Variants in PACRG observed in about 807,000 individuals in gnomAD.
PACRG encodes the protein parkin coregulated gene protein.
A neutral mutation model predicts 29.7 loss-of-function variants in PACRG; 29 were observed. The ratio of observed to expected loss-of-function variants is 0.98; its 90% CI spans 0.73 to 1.33. The LOEUF is 1.33. Ranked by LOEUF, PACRG falls within the 40% of genes most tolerant of loss-of-function variation. The pLI is 0.00. For synonymous variants in PACRG, 116 were observed against 118.7 expected, an observed-to-expected ratio of 0.98 and a Z score of 0.15; for missense variants, 279 against 316.2, an observed-to-expected ratio of 0.88 and a Z score of 0.89.
In PACRG at chr6:163,144,389, C is replaced by T. The variant is rs140598593; in HGVS notation, c.613+54981C>T. On this transcript the variant is annotated intron_variant, in intron 4 of 4. Transcript: ENST00000366888. ...ACACACAGTTATATTACTGCAACAA[C>T]GTGGGTTAGTAATATGTAATGTATA... 6.5e-3 allele frequency among the ~76,000 whole-genome samples: 991 copies of T among 151,874 alleles called. 4 individuals are homozygous for T. Among genetic ancestry groups the T allele is most frequent in the Non-Finnish European group, 0.01 (697 of 67,972 alleles).
chr6:162,949,663 C>T (rs1349222834), intron 2 of PACRG, among the ~76,000 whole-genome samples: 1 of 152,038 alleles, frequency 6.6e-6, no homozygotes, highest in Non-Finnish European at 1.5e-5. Flanking sequence ...AATTTAATGA[C>T]ATTTTATTTC....
chr6:162,871,954 A>C (rs9458660), intron 2 of PACRG, among the ~76,000 whole-genome samples: 27,128 of 152,158 alleles, frequency 0.18, 2,493 homozygotes, highest in Middle Eastern at 0.2. Flanking sequence ...AAAACAAAAA[A>C]AAACAAAAGA....
At chr6:163,156,790 C>T (rs1421067010) in intron 4 of PACRG, among the ~76,000 whole-genome samples, 1 of 152,116 alleles carries the variant, frequency 6.6e-6, no homozygotes, top group Non-Finnish European at 1.5e-5. Context: ...CTCCTTGGCT[C>T]GTGGGCCTCT....
chr6:163,055,217 T>G lies in PACRG; in HGVS notation c.292-6933T>G, dbSNP rs886160430. Among the ~76,000 whole-genome samples the G allele has an allele frequency of 5.3e-5, 8 of 152,066 alleles. No individual in the cohort carries two copies. In the East Asian group the frequency reaches 1.5e-3, roughly 29 times the overall value. The stretch of plus-strand genomic sequence containing the variant: ...GCGGGGACCGGGGACAGTGTGGAAA[T>G]GGAGCCGTGACTGGGGATAGTGTGG... On this transcript the variant is annotated intron_variant, in intron 2 of 4. Transcript: ENST00000366888. The surrounding 1 kb of genome is among the most constrained non-coding windows in gnomAD (Gnocchi z 4.0).
rs368531849 is a variant in PACRG, at chr6:162,947,329, TA to T, written c.292-114819del. ...TATATATAATCATATATAATACATA[TA>T]ATCATATATATAATGATTACATATA... On this transcript the variant is annotated intron_variant, in intron 2 of 4. Transcript: ENST00000366888. Among the ~76,000 whole-genome samples, 198 of 33,640 alleles carry T rather than the reference TA, an allele frequency of 5.9e-3. 6 individuals are homozygous for T. The highest frequency in any genetic ancestry group is 0.013 in the African/African-American group (175 of 13,228). 22.1% of individuals were successfully genotyped at this position (33,640 alleles called of 152,430 possible). A position where few individuals can be genotyped will look rare whatever the true frequency, so the allele number is the denominator to read the frequency against.
At chr6:162,797,815 C>T (rs1407780039) in intron 1 of PACRG, among the ~76,000 whole-genome samples, 1 of 151,974 alleles carries the variant, frequency 6.6e-6, no homozygotes, top group Non-Finnish European at 1.5e-5. Context: ...TTTACTTCTT[C>T]CAGTTTCATT....
chr6:162,849,583 A>G (rs1790692251), intron 2 of PACRG, among the ~76,000 whole-genome samples: 1 of 152,220 alleles, frequency 6.6e-6, no homozygotes, highest in Non-Finnish European at 1.5e-5. Flanking sequence ...TGGAGGACTT[A>G]TAACAGAATA....
At chr6:163,027,909 A>G (rs1807293324) in intron 2 of PACRG, among the ~76,000 whole-genome samples, 1 of 152,216 alleles carries the variant, frequency 6.6e-6, no homozygotes, top group Non-Finnish European at 1.5e-5. Flanking sequence ...ATAAGGGGCC[A>G]GGACTCTCCC....
intron 4 of PACRG, chr6:163,191,874 C>T: frequency 2.4e-6 from 1 of 418,412 alleles, no homozygotes; most frequent in South Asian, 1.8e-5. Context: ...CGCCTGGTGT[C>T]TCACACCCCA....
intron 4 of PACRG, among the ~76,000 whole-genome samples, chr6:163,132,267 A>G (rs549286395): frequency 6.2e-4 from 95 of 152,300 alleles, no homozygotes; most frequent in African/African-American, 2.3e-3. Flanking sequence ...TTTTAATAGC[A>G]TTCCTTTGAA....
At chr6:162,798,406 A>C (rs928080502) in intron 1 of PACRG, among the ~76,000 whole-genome samples, 3 of 151,986 alleles carry the variant, frequency 2.0e-5, no homozygotes, top group African/African-American at 7.3e-5. Flanking sequence ...TGTTTTCTAG[A>C]ATCCCTCAAT....
chr6:163,265,605 A>G (rs914060931), intron 4 of PACRG, among the ~76,000 whole-genome samples: 6 of 152,196 alleles, frequency 3.9e-5, no homozygotes, highest in African/African-American at 1.4e-4. Context: ...TGATGTTATT[A>G]TTATTTGTTA....
chr6:163,270,818 G>A (rs930380765), intron 4 of PACRG, among the ~76,000 whole-genome samples: 3 of 152,134 alleles, frequency 2.0e-5, no homozygotes, highest in Non-Finnish European at 4.4e-5. Flanking sequence ...CCAATGATAT[G>A]AGAGTGACGA....
At chr6:162,979,011 T>C (rs1440587764) in intron 2 of PACRG, among the ~76,000 whole-genome samples, 1 of 152,192 alleles carries the variant, frequency 6.6e-6, no homozygotes, top group Admixed American at 6.5e-5. Context: ...CCTAGTTAAT[T>C]ATTTAATTAA....
chr6:162,908,721 C>T (rs1259745301), intron 2 of PACRG, among the ~76,000 whole-genome samples: 6 of 152,154 alleles, frequency 3.9e-5, no homozygotes, highest in Admixed American at 2.6e-4. Context: ...AGGATCCAGT[C>T]ATTATGGACA....
At chr6:163,166,266 C>A (rs1489474261) in intron 4 of PACRG, 2 of 428,906 alleles carry the variant, frequency 4.7e-6, no homozygotes, top group East Asian at 1.5e-4. Context: ...ATTTGCCCTG[C>A]TCAACAACAA....
intron 4 of PACRG, among the ~76,000 whole-genome samples, chr6:163,305,397 G>A (rs1238153996): frequency 6.6e-6 from 1 of 152,144 alleles, no homozygotes; most frequent in African/African-American, 2.4e-5. Context: ...CACAGTTATA[G>A]GTTCTCCTCG....
At chr6:163,260,871 T>G (rs1176817642) in intron 4 of PACRG, among the ~76,000 whole-genome samples, 1 of 152,174 alleles carries the variant, frequency 6.6e-6, no homozygotes, top group Non-Finnish European at 1.5e-5. Context: ...GTTGGCCAGC[T>G]GCACCTCTCC....
At chr6:162,780,610 A>C (rs1784023442) in intron 1 of PACRG, among the ~76,000 whole-genome samples, 1 of 152,188 alleles carries the variant, frequency 6.6e-6, no homozygotes, top group Non-Finnish European at 1.5e-5. Context: ...ATTTACAGAT[A>C]ATAGAAATAG....
Sources: allele counts gnomAD v4.1 joint callset (sites outside exome capture counted in the v4.1 genomes callset), GRCh38; gene constraint gnomAD v4.1.1; non-coding constraint Gnocchi (gnomAD v3.1); transcripts MANE v1.5; gene names NCBI Gene and HGNC (gene_info 2026-07-23, HGNC 2026-07-21).